The following ACAA2 variants were observed in gnomAD, a reference collection of about 807,000 sequenced individuals.
ACAA2 encodes 3-ketoacyl-CoA thiolase, mitochondrial.
Under a neutral mutation model 44.8 loss-of-function variants are expected in ACAA2, and 35 were observed. That is an observed-to-expected ratio of 0.78 (90% CI 0.60 to 1.04). ACAA2 has a LOEUF of 1.04. ACAA2 is among the 50% of genes least tolerant of loss of function. The probability of loss-of-function intolerance (pLI) is 0.00; values close to 1 mark genes in which losing one functional copy is unlikely to be tolerated. For missense variants in ACAA2, 468 were observed against 482.6 expected, an observed-to-expected ratio of 0.97 and a Z score of 0.28; for synonymous variants, 142 against 166.5, an observed-to-expected ratio of 0.85 and a Z score of 1.13.
chr18:49,804,978 C>T (rs1434969936), intron 1 of ACAA2, among the ~76,000 whole-genome samples: 1 of 152,202 alleles, frequency 6.6e-6, no homozygotes, highest in Non-Finnish European at 1.5e-5. Context: ...CATTTTATCA[C>T]TTTCCACACA....
At chr18:49,798,556 CAAAATGT>C (rs2023491497) in intron 2 of ACAA2, among the ~76,000 whole-genome samples, 1 of 151,146 alleles carries the variant, frequency 6.6e-6, no homozygotes, top group Non-Finnish European at 1.5e-5. Flanking sequence ...GCAAGTTTGA[CAAAATGT>C]AAAACATTGG....
chr18:49,795,757 G>T lies in ACAA2; in HGVS notation c.429+8C>A. The T allele has an allele frequency of 1.9e-6, 3 of 1,552,022 alleles. No individual in the cohort carries two copies. Among genetic ancestry groups the T allele is most frequent in the South Asian group, 1.2e-5 (1 of 85,108 alleles). ...GAACTAATTCTTTTAAATTTTTATG[G>T]TTCCAACCTTGATATCTGATCCAAG... On this transcript the variant is annotated splice_region_variant and intron_variant, in intron 4 of 9. Coordinates refer to ENST00000285093, the MANE Select transcript of ACAA2 (RefSeq NM_006111.3).
In ACAA2 at chr18:49,797,594, T is replaced by A; in HGVS notation, c.184A>T (p.Ser62Cys). 6.3e-7 allele frequency: 1 copy of A among 1,585,610 alleles called. No individual in the cohort carries two copies. Among genetic ancestry groups the A allele is most frequent in the Non-Finnish European group, 8.5e-7 (1 of 1,171,914 alleles). ...DSVIMGNVLQ[S>C]SSDAIYLARH... ...GCCAAATATATAGCATCTGAAGAAC[T>A]CTAGAAGAGAGAAGGAAAAGAAAAA... Residue 62 changes from serine (S) to cysteine (C), a missense_variant and splice_region_variant, in exon 3 of 10, where the codon AGT (serine) becomes TGT (cysteine). Ser to Cys is a moderately radical substitution (Grantham distance 112). Coordinates refer to ENST00000285093, the MANE Select transcript of ACAA2 (RefSeq NM_006111.3).
intron 1 of ACAA2, among the ~76,000 whole-genome samples, chr18:49,805,632 G>A (rs1358287905): frequency 1.3e-5 from 2 of 151,934 alleles, no homozygotes; most frequent in African/African-American, 4.8e-5. Flanking sequence ...TGTGATCACA[G>A]CTCCCTGCAG....
chr18:49,805,504 G>A (rs2023600886), intron 1 of ACAA2, among the ~76,000 whole-genome samples: 1 of 152,028 alleles, frequency 6.6e-6, no homozygotes, highest in African/African-American at 2.4e-5. Flanking sequence ...ATGCCTTCCT[G>A]AATCTTTTCA....
chr18:49,795,108 C>G (rs1235869008), intron 4 of ACAA2, among the ~76,000 whole-genome samples: 1 of 152,112 alleles, frequency 6.6e-6, no homozygotes, highest in Non-Finnish European at 1.5e-5. Context: ...CTTTCAACTT[C>G]CAAAAAGGCC....
At chr18:49,787,724 A>AT (rs1163376350) in intron 7 of ACAA2, among the ~76,000 whole-genome samples, 2 of 152,216 alleles carry the variant, frequency 1.3e-5, no homozygotes, top group Non-Finnish European at 2.9e-5. Flanking sequence ...CAGATAAGAG[A>AT]ATTACATGAA....
Position 49,802,698 on chromosome 18 carries a change from T to C in ACAA2, c.172A>G (p.Asn58Asp). Residue 58 changes from asparagine (N) to aspartate (D), a missense_variant, in exon 2 of 10, where the codon AAT (asparagine) becomes GAT (aspartate). Transcript: ENST00000285093. Reference sequence around the variant, plus strand: ...TTTACTCTACTAACCTGCAGGACATTGCCCATAATCACACTGTCAACTGTT... The same window carrying C: ...TTTACTCTACTAACCTGCAGGACATCGCCCATAATCACACTGTCAACTGTT... ...PETVDSVIMG[N>D]VLQSSSDAIY... The C allele has an allele frequency of 6.2e-7, 1 of 1,613,890 alleles. No homozygotes were observed. Among genetic ancestry groups the C allele is most frequent in the East Asian group, 2.2e-5 (1 of 44,878 alleles).
At chr18:49,788,997 T>G (rs968107887) in intron 7 of ACAA2, among the ~76,000 whole-genome samples, 1 of 152,182 alleles carries the variant, frequency 6.6e-6, no homozygotes, top group African/African-American at 2.4e-5. Flanking sequence ...TCTTTAAGCA[T>G]CAGAATTCTT....
intron 1 of ACAA2, among the ~76,000 whole-genome samples, chr18:49,811,825 G>C (rs1790488): frequency 6.6e-6 from 1 of 151,832 alleles, no homozygotes; most frequent in Non-Finnish European, 1.5e-5. Context: ...AAAAAAATAC[G>C]ATCACTAGCT....
Position 49,794,293 on chromosome 18 carries a change from C to T in ACAA2, c.564G>A (p.Gln188=). ...AGTTTCACTCACCAGCTTTCCATCT[C>T]TGCTGTGACTGCAGGGCATATTTGT... ...ECDKYALQSQ[Q]RWKAANDAGY... Residue 188 remains glutamine, a synonymous_variant, in exon 5 of 10, where the codon CAG becomes CAA. Transcript: ENST00000285093. 13 of 1,604,298 alleles carry T rather than the reference C, an allele frequency of 8.1e-6. No individual in the cohort carries two copies. The highest frequency in any genetic ancestry group is 1.1e-5 in the Non-Finnish European group (13 of 1,177,736).
intron 2 of ACAA2, among the ~76,000 whole-genome samples, chr18:49,800,660 G>C (rs952488585): frequency 6.6e-6 from 1 of 152,308 alleles, no homozygotes; most frequent in East Asian, 1.9e-4. Context: ...ATTAAGGGCG[G>C]TGCAAGATGT....
intron 2 of ACAA2, among the ~76,000 whole-genome samples, chr18:49,798,392 C>T (rs1420075350): frequency 6.6e-6 from 1 of 151,758 alleles, no homozygotes; most frequent in Non-Finnish European, 1.5e-5. Flanking sequence ...CTAGGTCTGC[C>T]GGAGATTCTG....
chr18:49,787,821 A>G (rs879180699), intron 7 of ACAA2, among the ~76,000 whole-genome samples: 1 of 152,222 alleles, frequency 6.6e-6, no homozygotes, highest in Non-Finnish European at 1.5e-5. Context: ...ATTATAATTG[A>G]TATCAAAGAG....
At chr18:49,793,611 C>G (rs2023431489) in intron 5 of ACAA2, among the ~76,000 whole-genome samples, 1 of 152,206 alleles carries the variant, frequency 6.6e-6, no homozygotes, top group African/African-American at 2.4e-5. Flanking sequence ...CTCATTACTT[C>G]AAGCATTTAA....
At chr18:49,809,779 A>G (rs2143983402) in intron 1 of ACAA2, among the ~76,000 whole-genome samples, 1 of 152,370 alleles carries the variant, frequency 6.6e-6, no homozygotes, top group Middle Eastern at 3.4e-3. Flanking sequence ...AATCTGCATG[A>G]CACTATAATA....
intron 1 of ACAA2, among the ~76,000 whole-genome samples, chr18:49,809,919 G>A (rs2023650328): frequency 6.6e-6 from 1 of 152,158 alleles, no homozygotes; most frequent in Non-Finnish European, 1.5e-5. Flanking sequence ...TGTAACAAAT[G>A]TACCACACTA....
rs535604638 is a variant in ACAA2, at chr18:49,804,071, C to T, written c.17-1218G>A. Among the ~76,000 whole-genome samples the T allele has an allele frequency of 3.7e-4, 57 of 152,114 alleles. 1 individual carries two copies. In the South Asian group the frequency reaches 9.0e-3, roughly 24 times the overall value. ...GACTACAGACACCCACCACCAGGCC[C>T]GGCTAATTTTTGTATTTTTAGTAGA... On this transcript the variant is annotated intron_variant, in intron 1 of 9. Transcript: ENST00000285093.
At chr18:49,792,883 C>T (rs1039150213) in intron 5 of ACAA2, among the ~76,000 whole-genome samples, 1 of 151,806 alleles carries the variant, frequency 6.6e-6, no homozygotes, top group Non-Finnish European at 1.5e-5. Flanking sequence ...ACTTACCTTC[C>T]GTATTGGAGG....
Sources: gnomAD v4.1 joint callset for allele counts (sites outside exome capture counted in the v4.1 genomes callset) on GRCh38, gnomAD v4.1.1 for gene constraint, MANE v1.5 for transcripts, NCBI Gene and HGNC (gene_info 2026-07-23, HGNC 2026-07-21) for gene names.